The following OR1J2 variants were observed in gnomAD, a reference collection of about 807,000 sequenced individuals.
The protein encoded by OR1J2 is olfactory receptor family 1 subfamily J member 2.
For missense variants in OR1J2, 304 were observed against 246.1 expected, an observed-to-expected ratio of 1.24 and a Z score of -1.57; for synonymous variants, 142 against 99.7, an observed-to-expected ratio of 1.42 and a Z score of -2.52.
chr9:122,575,574 G>A, the OR1J2 span, among the ~76,000 whole-genome samples: 1 of 151,894 alleles, frequency 6.6e-6, no homozygotes, highest in Non-Finnish European at 1.5e-5. Flanking sequence ...TTAATAATTT[G>A]TGTCCTCTGT....
At chr9:122,561,218 G>A in the OR1J2 span, among the ~76,000 whole-genome samples, 1 of 151,936 alleles carries the variant, frequency 6.6e-6, no homozygotes, top group Non-Finnish European at 1.5e-5. Context: ...GTTCCTGATT[G>A]TTCTAGTTAG....
At position 122,511,726 on chromosome 9, in the gene OR1J2, A is replaced by G. The variant is rs774598745; in HGVS notation, c.925A>G (p.Thr309Ala). Residue 309 changes from threonine (T) to alanine (A), a missense_variant, in exon 1 of 1, where the codon ACA becomes GCA. Coordinates refer to ENST00000335302, the MANE Select transcript of OR1J2 (RefSeq NM_054107.1). ...EALGKLFSRA[T>A]FFSW ...CCTTGGGAAACTCTTCAGTAGAGCA[A>G]CATTTTTCTCTTGGTGACATCTGAC... The G allele has an allele frequency of 2.6e-6, 2 of 780,800 alleles. No individual in the cohort carries two copies. The highest frequency in any genetic ancestry group is 1.7e-5 in the Admixed American group (1 of 59,006). 48.4% of individuals were successfully genotyped at this position (780,800 alleles called of 1,614,324 possible).
chr9:122,504,690 G>A, the OR1J2 span, among the ~76,000 whole-genome samples: 10 of 152,100 alleles, frequency 6.6e-5, no homozygotes, highest in African/African-American at 2.2e-4. Flanking sequence ...TTAGTCCAAG[G>A]TGTCTCCATC....
the OR1J2 span, among the ~76,000 whole-genome samples, chr9:122,538,972 G>A: frequency 0.44 from 67,377 of 151,642 alleles, 16,142 homozygotes; most frequent in East Asian, 0.87. Context: ...GTTCAACATT[G>A]TGCAATATAC....
At chr9:122,516,516 G>A (rs1828702313), downstream of OR1J2, among the ~76,000 whole-genome samples, 1 of 151,906 alleles carries the variant, frequency 6.6e-6, no homozygotes, top group South Asian at 2.1e-4. Flanking sequence ...TTTTAGCCGG[G>A]ATGGTCTCGA....
chr9:122,560,559 A>G, the OR1J2 span, among the ~76,000 whole-genome samples: 1,245 of 152,264 alleles, frequency 8.2e-3, 16 homozygotes, highest in African/African-American at 0.029. Context: ...TTGTCTGGAA[A>G]GGATTTTATT....
chr9:122,556,666 C>A, the OR1J2 span, among the ~76,000 whole-genome samples: 1 of 152,028 alleles, frequency 6.6e-6, no homozygotes, highest in East Asian at 1.9e-4. Context: ...CACATGTATC[C>A]CAGAACTTAA....
At chr9:122,529,625 T>G in the OR1J2 span, among the ~76,000 whole-genome samples, 8 of 152,326 alleles carry the variant, frequency 5.3e-5, no homozygotes, top group Admixed American at 2.0e-4. Flanking sequence ...TTTTTCTCTT[T>G]CCCTAAAAGG....
chr9:122,453,604 A>G, the OR1J2 span, among the ~76,000 whole-genome samples: 26 of 152,344 alleles, frequency 1.7e-4, no homozygotes, highest in African/African-American at 6.0e-4. Context: ...GTTCAGTTCA[A>G]GTATCCCAAA....
the OR1J2 span, among the ~76,000 whole-genome samples, chr9:122,571,714 C>CAA: frequency 0.023 from 2,832 of 124,318 alleles, 41 homozygotes; most frequent in African/African-American, 0.027. Context: ...GACTCAGTCT[C>CAA]AAAAAAAAAA....
At chr9:122,503,195 G>A in the OR1J2 span, among the ~76,000 whole-genome samples, 1 of 152,208 alleles carries the variant, frequency 6.6e-6, no homozygotes, top group Non-Finnish European at 1.5e-5. Context: ...ATCTTGAATA[G>A]TGGTAGTGGC....
At chr9:122,569,665 AT>A in the OR1J2 span, among the ~76,000 whole-genome samples, 1 of 20,858 alleles carries the variant, frequency 4.8e-5, no homozygotes, top group African/African-American at 1.8e-4. Context: ...ACTTCATTTT[AT>A]TTTATTTTAT....
At chr9:122,474,444 C>T in the OR1J2 span, among the ~76,000 whole-genome samples, 1 of 152,168 alleles carries the variant, frequency 6.6e-6, no homozygotes, top group Admixed American at 6.5e-5. Flanking sequence ...CAACTAACTA[C>T]AACAGGTCTA....
chr9:122,549,549 A>T, the OR1J2 span, among the ~76,000 whole-genome samples: 1 of 152,220 alleles, frequency 6.6e-6, no homozygotes, highest in African/African-American at 2.4e-5. Flanking sequence ...TATGGTGAGA[A>T]ATATGGGTCC....
At chr9:122,457,028 A>C in the OR1J2 span, among the ~76,000 whole-genome samples, 1 of 152,234 alleles carries the variant, frequency 6.6e-6, no homozygotes, top group South Asian at 2.1e-4. Flanking sequence ...ACACCATGAA[A>C]TACTATGCAG....
At chr9:122,574,465 T>C in the OR1J2 span, among the ~76,000 whole-genome samples, 1 of 152,134 alleles carries the variant, frequency 6.6e-6, no homozygotes, top group East Asian at 1.9e-4. Flanking sequence ...GTAAATGATA[T>C]TCTGTTCTTA....
chr9:122,483,751 C>A, the OR1J2 span, among the ~76,000 whole-genome samples: 1 of 152,116 alleles, frequency 6.6e-6, no homozygotes, highest in Non-Finnish European at 1.5e-5. Context: ...TTTGTTAAAT[C>A]TGAATGATAA....
At chr9:122,470,541 G>T in the OR1J2 span, among the ~76,000 whole-genome samples, 1 of 152,222 alleles carries the variant, frequency 6.6e-6, no homozygotes, top group Non-Finnish European at 1.5e-5. Context: ...CCCCCACACA[G>T]AGTCCCTACT....
the OR1J2 span, chr9:122,520,010 T>C: frequency 5.0e-6 from 8 of 1,614,050 alleles, 1 homozygote; most frequent in Middle Eastern, 3.3e-4. Context: ...CCTTCATTTA[T>C]AGCCTAAGGA....
Sources: gnomAD v4.1 joint callset for allele counts (sites outside exome capture counted in the v4.1 genomes callset) on GRCh38, gnomAD v4.1.1 for gene constraint, MANE v1.5 for transcripts, NCBI Gene and HGNC (gene_info 2026-07-23, HGNC 2026-07-21) for gene names.